CD96: variants seen among roughly 807,000 people sequenced by gnomAD.
The protein encoded by CD96 is T-cell surface protein tactile.
In CD96, 70 loss-of-function variants were observed where a neutral mutation model predicts 71.3. The ratio of observed to expected loss-of-function variants is 0.98; its 90% CI spans 0.81 to 1.20. CD96 has a LOEUF of 1.20. Among genes scored for constraint, CD96 ranks in the 50% most tolerant of loss-of-function variants. The pLI, the probability that CD96 is intolerant of heterozygous loss-of-function variation, is 0.00. For missense variants in CD96, 742 were observed against 677.5 expected (o/e 1.10, Z -1.06); for synonymous variants, 248 against 233.0 (o/e 1.06, Z -0.59).
intron 10 of CD96, among the ~76,000 whole-genome samples, chr3:111,628,105 C>G (rs1337001340): frequency 2.6e-5 from 4 of 152,064 alleles, no homozygotes; most frequent in African/African-American, 9.7e-5. Flanking sequence ...AAAACAACAA[C>G]CAGAATGCTC....
intron 4 of CD96, chr3:111,579,461 T>C: frequency 3.3e-6 from 2 of 608,562 alleles, no homozygotes; most frequent in Non-Finnish European, 6.1e-6. Context: ...AGCCAATAAT[T>C]TTCTGTATTG....
intron 2 of CD96, among the ~76,000 whole-genome samples, chr3:111,551,641 G>T (rs1934710934): frequency 6.6e-6 from 1 of 152,084 alleles, no homozygotes; most frequent in South Asian, 2.1e-4. Context: ...ATGGTAGTTT[G>T]CTGCACAGAT....
At chr3:111,561,279 G>A (rs1476647006) in intron 2 of CD96, among the ~76,000 whole-genome samples, 1 of 150,304 alleles carries the variant, frequency 6.7e-6, no homozygotes. Context: ...GAGGAGGAGA[G>A]GCGCTCTGCG....
chr3:111,555,774 G>A (rs1382156951), intron 2 of CD96, among the ~76,000 whole-genome samples: 1 of 152,300 alleles, frequency 6.6e-6, no homozygotes, highest in Non-Finnish European at 1.5e-5. Flanking sequence ...GTTCTTGGAT[G>A]TGTAGATTAA....
At chr3:111,639,966 A>G (rs1576424458) in intron 12 of CD96, among the ~76,000 whole-genome samples, 2 of 152,176 alleles carry the variant, frequency 1.3e-5, no homozygotes, top group East Asian at 3.9e-4. Flanking sequence ...AGTGGGACAA[A>G]ATAATCTCAA....
intron 10 of CD96, chr3:111,633,593 G>A (rs963336028): frequency 6.6e-6 from 1 of 152,200 alleles, no homozygotes; most frequent in Non-Finnish European, 1.5e-5. Context: ...ATTTCTGGGG[G>A]CTTCATGGGT....
chr3:111,612,601 G>A (rs1459703400), intron 8 of CD96, among the ~76,000 whole-genome samples: 2 of 152,182 alleles, frequency 1.3e-5, no homozygotes, highest in African/African-American at 4.8e-5. Context: ...GAGGCACAAA[G>A]AGGTTAAATA....
In CD96 at chr3:111,650,295, T is replaced by C; in HGVS notation, c.*489T>C. Reference sequence around the variant, plus strand: ...AAGGCTGCCAAGTAATGGAGAAGTATGGTTAGTCTTCATATTGAAATTCTG... The same window carrying C: ...AAGGCTGCCAAGTAATGGAGAAGTACGGTTAGTCTTCATATTGAAATTCTG... On this transcript the variant is annotated 3_prime_UTR_variant, in exon 14 of 14. Coordinates refer to ENST00000352690, the MANE Select transcript of CD96 (RefSeq NM_005816.5). The C allele has an allele frequency of 1.1e-5, 2 of 180,564 alleles. No homozygotes were observed. The highest frequency in any genetic ancestry group is 1.1e-4 in the Admixed American group (2 of 18,640). 11.2% of individuals were successfully genotyped at this position (180,564 alleles called of 1,614,324 possible).
At chr3:111,549,153 C>T (rs572373962) in intron 2 of CD96, among the ~76,000 whole-genome samples, 2 of 151,980 alleles carry the variant, frequency 1.3e-5, no homozygotes, top group East Asian at 3.9e-4. Flanking sequence ...CTCTCTTCTC[C>T]CCTCCCCTCT....
At chr3:111,637,352 G>T (rs886781443) in intron 11 of CD96, 91 bp downstream of exon 11, 1 of 776,556 alleles carries the variant, frequency 1.3e-6, no homozygotes, top group Non-Finnish European at 2.4e-6. Context: ...TAAGAAGCCA[G>T]CCTCAGATAG....
chr3:111,630,061 G>A (rs1938980855), intron 10 of CD96, among the ~76,000 whole-genome samples: 2 of 152,046 alleles, frequency 1.3e-5, no homozygotes, highest in African/African-American at 4.8e-5. Context: ...CAAAAAGCTA[G>A]AAAAATCTCA....
At chr3:111,646,809 A>G (rs1939849646) in intron 12 of CD96, among the ~76,000 whole-genome samples, 1 of 152,120 alleles carries the variant, frequency 6.6e-6, no homozygotes, top group African/African-American at 2.4e-5. Flanking sequence ...AAGACATGGA[A>G]CTAACCTAAA....
intron 10 of CD96, among the ~76,000 whole-genome samples, chr3:111,631,515 T>C (rs1939060408): frequency 6.6e-6 from 1 of 152,030 alleles, no homozygotes; most frequent in Non-Finnish European, 1.5e-5. Flanking sequence ...GCAAAAACAT[T>C]CCATGCACAT....
At chr3:111,565,714 T>G (rs16858274) in intron 2 of CD96, among the ~76,000 whole-genome samples, 4,649 of 151,820 alleles carry the variant, frequency 0.031, 175 homozygotes, top group East Asian at 0.15. Flanking sequence ...TTTTTTCAAT[T>G]ATGGGCTTGG....
At chr3:111,663,054 T>C (rs1206532792) in intron 14 of CD96, among the ~76,000 whole-genome samples, 1 of 152,176 alleles carries the variant, frequency 6.6e-6, no homozygotes, top group East Asian at 1.9e-4. Flanking sequence ...ACAGGAAGCA[T>C]GGCTTGGGAG....
intron 14 of CD96, among the ~76,000 whole-genome samples, chr3:111,664,623 G>A (rs1940437640): frequency 6.6e-6 from 1 of 152,062 alleles, no homozygotes; most frequent in South Asian, 2.1e-4. Context: ...ATATCCTCAT[G>A]CAACTTGTAC....
intron 10 of CD96, among the ~76,000 whole-genome samples, chr3:111,626,407 T>G (rs1388624688): frequency 2.0e-5 from 3 of 152,092 alleles, no homozygotes; most frequent in Non-Finnish European, 4.4e-5. Flanking sequence ...GTAATCAGTT[T>G]ACAAAAATTA....
At chr3:111,660,428 T>C (rs1188130911) in intron 14 of CD96, among the ~76,000 whole-genome samples, 1 of 152,248 alleles carries the variant, frequency 6.6e-6, no homozygotes, top group East Asian at 1.9e-4. Flanking sequence ...ATTTTTTAAA[T>C]GGCCATACTA....
chr3:111,591,308 G>T (rs1324575689), intron 5 of CD96, among the ~76,000 whole-genome samples: 1 of 144,706 alleles, frequency 6.9e-6, no homozygotes, highest in Admixed American at 7.3e-5. Context: ...AGGAGGCGGA[G>T]GTTGCAGTGA....
Sources: gnomAD v4.1 joint callset for allele counts (sites outside exome capture counted in the v4.1 genomes callset) on GRCh38, gnomAD v4.1.1 for gene constraint, MANE v1.5 for transcripts, NCBI Gene and HGNC (gene_info 2026-07-23, HGNC 2026-07-21) for gene names.